The following CELF6 variants were observed in gnomAD, a reference collection of about 807,000 sequenced individuals.
The protein encoded by CELF6 is Bruno -like 6, RNA binding protein.
CELF6 carries 32 observed loss-of-function variants against 53.1 expected under a neutral mutation model. That is an observed-to-expected ratio of 0.60 (90% CI 0.46 to 0.81). The LOEUF is 0.81. Among genes scored for constraint, CELF6 ranks in the 30% least tolerant of loss-of-function variants. The pLI, the probability that CELF6 is intolerant of heterozygous loss-of-function variation, is 0.00. For missense variants in CELF6, 539 were observed against 669.5 expected (o/e 0.81, Z 2.15); for synonymous variants, 291 against 288.8 (o/e 1.01, Z -0.08).
intron 3 of CELF6, among the ~76,000 whole-genome samples, chr15:72,293,032 A>AT (rs1350329102): frequency 6.6e-6 from 1 of 151,816 alleles, no homozygotes; most frequent in Non-Finnish European, 1.5e-5. Context: ...AACTAAAAAA[A>AT]TTTTTTTTTC....
At chr15:72,318,822 T>G (rs2088392976) in intron 1 of CELF6, among the ~76,000 whole-genome samples, 1 of 151,774 alleles carries the variant, frequency 6.6e-6, no homozygotes, top group East Asian at 1.9e-4. Flanking sequence ...GTGAGGGGAT[T>G]AGAGAAGGAA....
intron 2 of CELF6, among the ~76,000 whole-genome samples, chr15:72,314,366 C>A (rs554776693): frequency 6.6e-6 from 1 of 152,106 alleles, no homozygotes; most frequent in South Asian, 2.1e-4. Flanking sequence ...GTAGTTACCC[C>A]AACCCCAACA....
At chr15:72,304,047 T>C (rs960927391) in intron 3 of CELF6, among the ~76,000 whole-genome samples, 2 of 152,042 alleles carry the variant, frequency 1.3e-5, no homozygotes, top group African/African-American at 4.8e-5. Flanking sequence ...ATTTATCTAT[T>C]TGTAGTAGAG....
chr15:72,294,715 C>T (rs561974664), intron 3 of CELF6, among the ~76,000 whole-genome samples: 238 of 152,352 alleles, frequency 1.6e-3, no homozygotes, highest in Non-Finnish European at 2.0e-3. Flanking sequence ...CGGTGGCTCA[C>T]GCCTATAATC....
At chr15:72,310,049 C>T (rs2088275946) in intron 2 of CELF6, among the ~76,000 whole-genome samples, 1 of 152,138 alleles carries the variant, frequency 6.6e-6, no homozygotes, top group African/African-American at 2.4e-5. Flanking sequence ...AGAGCAAAAC[C>T]CTACCTAACT....
chr15:72,287,289 G>A lies in CELF6; in HGVS notation c.1422C>T (p.Pro474=), dbSNP rs771601100. The A allele has an allele frequency of 1.2e-6, 2 of 1,614,132 alleles. No individual in the cohort carries two copies. Among genetic ancestry groups the A allele is most frequent in the East Asian group, 4.5e-5 (2 of 44,878 alleles). ...MKRLKVQLKR[P]KDANRPY ...GTCAGTAAGGCCGGTTGGCATCCTTGGGCCGCTTTAGCTGGACCTTGAGCC... is the reference window on the plus strand; with the variant it reads ...GTCAGTAAGGCCGGTTGGCATCCTTAGGCCGCTTTAGCTGGACCTTGAGCC... The change falls in exon 12 of 13, where the codon CCC becomes CCT. Residue 474 remains proline, a synonymous_variant. Transcript: ENST00000287202.
rs115628002 is a variant in CELF6, at chr15:72,318,298, T to G, written c.262+1315A>C. Among the ~76,000 whole-genome samples, 731 of 152,256 alleles carry G rather than the reference T, an allele frequency of 4.8e-3. 7 individuals carry two copies. Among genetic ancestry groups the G allele is most frequent in the African/African-American group, 0.017 (703 of 41,542 alleles). The stretch of plus-strand genomic sequence containing the variant: ...TGGCATTTTCTCGAAGTGCCTACAT[T>G]AGTGTGCCAAGGAACCCTACGAGGC... On this transcript the variant is annotated intron_variant, in intron 1 of 12. Transcript: ENST00000287202.
At position 72,289,003 on chromosome 15, in the gene CELF6, T is replaced by C; in HGVS notation, c.1031-73A>G. 1.4e-6 allele frequency: 2 copies of C among 1,403,616 alleles called. No homozygotes were observed. The highest frequency in any genetic ancestry group is 2.9e-5 in the African/African-American group (2 of 69,572). The allele number at this position is 1,403,616 out of a possible 1,614,324, so 86.9% of individuals were successfully genotyped here. A position where few individuals can be genotyped will look rare whatever the true frequency, so the allele number is the denominator to read the frequency against. ...CAGAGTGGGTGAGAAGCTCAGGGAG[T>C]GTGGGAGGTGGACGGCGGCTGTGAG... On this transcript the variant is annotated intron_variant, in intron 8 of 12. Transcript: ENST00000287202. This position sits in a 1 kb window ranked among gnomAD's most constrained non-coding sequence, Gnocchi z 7.6.
At chr15:72,287,963 G>C (rs1489472224) in intron 11 of CELF6, among the ~76,000 whole-genome samples, 1 of 151,868 alleles carries the variant, frequency 6.6e-6, no homozygotes, top group Non-Finnish European at 1.5e-5. Flanking sequence ...TCAGCCTCCT[G>C]AGTAGCTGGG....
At chr15:72,311,812 A>G (rs1476266286) in intron 2 of CELF6, among the ~76,000 whole-genome samples, 2 of 152,206 alleles carry the variant, frequency 1.3e-5, no homozygotes, top group Non-Finnish European at 2.9e-5. Flanking sequence ...GGCACTCCCC[A>G]ACCCTGGGAT....
Position 72,288,102 on chromosome 15 carries a change from T to C in CELF6, c.1318+206A>G, listed in dbSNP as rs1479116043. 6.6e-6 allele frequency among the ~76,000 whole-genome samples: 1 copy of C among 152,172 alleles called. No individual in the cohort carries two copies. The highest frequency in any genetic ancestry group is 1.5e-5 in the Non-Finnish European group (1 of 68,024). On this transcript the variant is annotated intron_variant, in intron 11 of 12. Transcript: ENST00000287202. The surrounding 1 kb of genome is among the most constrained non-coding windows in gnomAD (Gnocchi z 4.6). The stretch of plus-strand genomic sequence containing the variant: ...ATTCACCTGCCCTGGCCTCCCAAAG[T>C]GCTAGGATTACAGGCGTGAGCCACC...
intron 3 of CELF6, among the ~76,000 whole-genome samples, chr15:72,303,212 GT>G: frequency 6.6e-6 from 1 of 152,318 alleles, no homozygotes; most frequent in Non-Finnish European, 1.5e-5. Flanking sequence ...GCATAAAAGA[GT>G]TTCCCAAGAG....
intron 3 of CELF6, among the ~76,000 whole-genome samples, chr15:72,301,767 C>T: frequency 7.6e-6 from 1 of 131,088 alleles, no homozygotes; most frequent in African/African-American, 2.7e-5. Flanking sequence ...GACAGAGTCT[C>T]ACTCTGTCAC....
At chr15:72,287,518 T>A (rs1401213034) in intron 11 of CELF6, 126 bp from the exon 12 acceptor site, 5 of 1,029,652 alleles carry the variant, frequency 4.9e-6, no homozygotes, top group Middle Eastern at 2.9e-4. Flanking sequence ...CCCTCCACTG[T>A]TTGTGTGGAT....
rs2087987136 is a variant in CELF6, at chr15:72,290,170, G to C, written c.480C>G (p.Ile160Met). 1 of 1,613,898 alleles carries C rather than the reference G, an allele frequency of 6.2e-7. No homozygotes were observed. The highest frequency in any genetic ancestry group is 1.7e-5 in the Admixed American group (1 of 59,992). ...GACTCCGCAGGACCGTGCACTCCTC[G>C]ATGTGGCCAAAGGGCTGGAACAGGC... ...VRRLFQPFGH[I>M]EECTVLRSPD... The change falls in exon 4 of 13, where the codon ATC (isoleucine) becomes ATG (methionine). Residue 160 changes from isoleucine to methionine, a missense_variant. Ile to Met is a conservative substitution (Grantham distance 10). Around this residue, in one of 3 missense-constraint regions of CELF6, gnomAD observed 97 missense variants for 168.8 expected, o/e 0.57. Transcript: ENST00000287202.
intron 2 of CELF6, among the ~76,000 whole-genome samples, chr15:72,306,998 G>C (rs1185065295): frequency 6.6e-6 from 1 of 151,636 alleles, no homozygotes; most frequent in East Asian, 2.0e-4. Context: ...GAAGGGTAAG[G>C]AAGCGGGTGC....
chr15:72,292,647 C>G (rs149999057), intron 3 of CELF6, among the ~76,000 whole-genome samples: 51 of 152,380 alleles, frequency 3.3e-4, no homozygotes, highest in African/African-American at 1.1e-3. Flanking sequence ...CAGTGGTGAT[C>G]TGATCCTTCA....
chr15:72,305,608 A>C (rs2088215918), intron 2 of CELF6, among the ~76,000 whole-genome samples: 1 of 152,144 alleles, frequency 6.6e-6, no homozygotes. Flanking sequence ...CCCTTCCCTG[A>C]GGATGCTGGA....
rs148868696 is a variant in CELF6, at chr15:72,297,841, G to C, written c.394+6905C>G. Among the ~76,000 whole-genome samples the C allele has an allele frequency of 4.1e-3, 626 of 152,330 alleles. 20 individuals are homozygous for C. Among genetic ancestry groups the C allele is most frequent in the Admixed American group, 0.037 (562 of 15,306 alleles). The stretch of plus-strand genomic sequence containing the variant: ...TACAATGTGAATGTACTTAGCTCTA[G>C]TAACTGTACCCCTAAAAGTGTTATG... On this transcript the variant is annotated intron_variant, in intron 3 of 12. Coordinates refer to ENST00000287202, the MANE Select transcript of CELF6 (RefSeq NM_052840.5).
Sources: gnomAD v4.1 joint callset for allele counts (sites outside exome capture counted in the v4.1 genomes callset) on GRCh38, gnomAD v4.1.1 for gene constraint, gnomAD v4.1.1 regional missense constraint, Gnocchi (gnomAD v3.1) non-coding constraint, MANE v1.5 for transcripts, NCBI Gene and HGNC (gene_info 2026-07-23, HGNC 2026-07-21) for gene names.